The following ZNG1E variants were observed in gnomAD, a reference collection of about 807,000 sequenced individuals.
The protein encoded by ZNG1E is Zn regulated GTPase metalloprotein activator 1E, also known as zinc-regulated GTPase metalloprotein activator 1E.
chr9:65,662,549 AT>A, the ZNG1E span, among the ~76,000 whole-genome samples: 1 of 151,670 alleles, frequency 6.6e-6, no homozygotes, highest in Non-Finnish European at 1.5e-5. Flanking sequence ...GTAAGTTGAA[AT>A]TGTTTCAAAA....
chr9:65,671,239 T>C, the ZNG1E span, among the ~76,000 whole-genome samples: 1 of 151,606 alleles, frequency 6.6e-6, no homozygotes, highest in African/African-American at 2.4e-5. Flanking sequence ...ATAGAGTTAT[T>C]TGGTCTCTAA....
At chr9:65,693,099 C>T in the ZNG1E span, among the ~76,000 whole-genome samples, 102 of 151,958 alleles carry the variant, frequency 6.7e-4, no homozygotes, top group African/African-American at 2.2e-3. Flanking sequence ...ACCTGCACAT[C>T]GTGAGCATGT....
chr9:65,701,969 AG>A, the ZNG1E span, among the ~76,000 whole-genome samples: 1 of 129,696 alleles, frequency 7.7e-6, no homozygotes, highest in Non-Finnish European at 1.6e-5. Flanking sequence ...GCTTGTTAAC[AG>A]TACTAGAAAT....
the ZNG1E span, chr9:65,677,106 T>G: frequency 6.5e-7 from 1 of 1,540,260 alleles, no homozygotes; most frequent in Non-Finnish European, 8.8e-7. Flanking sequence ...TAAAGGAATT[T>G]ATTTTTGGCG....
the ZNG1E span, among the ~76,000 whole-genome samples, chr9:65,705,327 C>G: frequency 0.12 from 17,716 of 141,818 alleles, 40 homozygotes; most frequent in Non-Finnish European, 0.15. Context: ...ATTAATTTGA[C>G]AAACTGCCTG....
chr9:65,680,708 A>G, the ZNG1E span, among the ~76,000 whole-genome samples: 2 of 152,270 alleles, frequency 1.3e-5, no homozygotes, highest in Non-Finnish European at 2.9e-5. Context: ...AGTAATTCTT[A>G]TAGATAACAA....
chr9:65,685,495 G>A, the ZNG1E span, among the ~76,000 whole-genome samples: 1 of 151,912 alleles, frequency 6.6e-6, no homozygotes, highest in East Asian at 1.9e-4. Flanking sequence ...AGTGTTCATA[G>A]CATCTTCACC....
chr9:65,680,372 CTG>C, the ZNG1E span, among the ~76,000 whole-genome samples: 15 of 152,338 alleles, frequency 9.8e-5, no homozygotes, highest in East Asian at 3.9e-4. Flanking sequence ...TAATAACAGA[CTG>C]TTTTTTTCAT....
chr9:65,727,599 C>T, the ZNG1E span, among the ~76,000 whole-genome samples: 10 of 131,632 alleles, frequency 7.6e-5, no homozygotes, highest in Admixed American at 6.9e-4. Context: ...GCAGGAGTTG[C>T]CATTCTTATA....
At chr9:65,698,872 T>TA in the ZNG1E span, among the ~76,000 whole-genome samples, 19 of 135,218 alleles carry the variant, frequency 1.4e-4, 1 homozygote, top group Admixed American at 2.3e-4. Flanking sequence ...TGAAGATTTT[T>TA]TATATATATA....
chr9:65,687,938 T>G, the ZNG1E span, among the ~76,000 whole-genome samples: 1 of 151,170 alleles, frequency 6.6e-6, no homozygotes, highest in Non-Finnish European at 1.5e-5. Flanking sequence ...AAGAACATTT[T>G]CCTTGTTTAT....
chr9:65,677,992 G>A, the ZNG1E span, among the ~76,000 whole-genome samples: 943 of 136,674 alleles, frequency 6.9e-3, no homozygotes, highest in African/African-American at 0.013. Flanking sequence ...ATATTTCTAA[G>A]CTCTATGAAG....
the ZNG1E span, among the ~76,000 whole-genome samples, chr9:65,665,450 G>C: frequency 6.6e-6 from 1 of 152,280 alleles, no homozygotes; most frequent in East Asian, 1.9e-4. Flanking sequence ...CAAGAATTGA[G>C]GTTTGGGAAA....
chr9:65,672,553 G>C, the ZNG1E span, among the ~76,000 whole-genome samples: 1 of 151,772 alleles, frequency 6.6e-6, no homozygotes, highest in Non-Finnish European at 1.5e-5. Flanking sequence ...AGACCAGCCT[G>C]GCTAACGTGG....
chr9:65,678,276 C>G, the ZNG1E span, among the ~76,000 whole-genome samples: 1 of 146,706 alleles, frequency 6.8e-6, no homozygotes, highest in Non-Finnish European at 1.5e-5. Context: ...CTAAGTCTCT[C>G]TCTTCCATAC....
At chr9:65,660,417 T>A in the ZNG1E span, among the ~76,000 whole-genome samples, 1 of 151,784 alleles carries the variant, frequency 6.6e-6, no homozygotes, top group South Asian at 2.1e-4. Context: ...GAAAAAAGAA[T>A]CAGAGGATAC....
chr9:65,666,821 C>A, the ZNG1E span, among the ~76,000 whole-genome samples: 4 of 124,414 alleles, frequency 3.2e-5, no homozygotes, highest in African/African-American at 1.2e-4. Flanking sequence ...TTTCTTTTTT[C>A]TTTTTTTTTT....
chr9:65,714,479 G>T, the ZNG1E span, among the ~76,000 whole-genome samples: 4,725 of 139,390 alleles, frequency 0.034, 9 homozygotes, highest in African/African-American at 0.046. Context: ...GAGTTTCCAG[G>T]TTTTCTGCTC....
chr9:65,665,302 A>C, the ZNG1E span, among the ~76,000 whole-genome samples: 2 of 152,262 alleles, frequency 1.3e-5, no homozygotes, highest in African/African-American at 4.8e-5. Flanking sequence ...TGCTGTATGC[A>C]GTCTAGGGAC....
Sources: gnomAD v4.1 joint callset for allele counts (sites outside exome capture counted in the v4.1 genomes callset) on GRCh38, gnomAD v4.1.1 for gene constraint, MANE v1.5 for transcripts, NCBI Gene and HGNC (gene_info 2026-07-23, HGNC 2026-07-21) for gene names.